Variants in THRAP3 observed in about 807,000 individuals in gnomAD.
THRAP3 encodes the protein thyroid hormone receptor associated protein 3.
Under a neutral mutation model 101.0 loss-of-function variants are expected in THRAP3, and 16 were observed. The ratio of observed to expected loss-of-function variants is 0.16; its 90% CI spans 0.11 to 0.24. The LOEUF (loss-of-function observed/expected upper bound fraction) is 0.24, where lower values mean the gene tolerates loss of function less well. THRAP3 is among the 10% of genes least tolerant of loss of function. The pLI is 1.00. For missense variants in THRAP3, 989 were observed against 1,202.7 expected (o/e 0.82, Z 2.63); for synonymous variants, 407 against 422.6 (o/e 0.96, Z 0.45).
chr1:36,282,176 T>A (rs1352061167), intron 2 of THRAP3, among the ~76,000 whole-genome samples: 1 of 152,002 alleles, frequency 6.6e-6, no homozygotes, highest in African/African-American at 2.4e-5. Flanking sequence ...TCCTCCTACC[T>A]TGGCCTCCCA....
At position 36,286,908 on chromosome 1, in the gene THRAP3, C is replaced by T. The variant is rs1396367147; in HGVS notation, c.678C>T (p.Ala226=). 6.2e-7 allele frequency: 1 copy of T among 1,614,194 alleles called. No individual in the cohort carries two copies. Among genetic ancestry groups the T allele is most frequent in the Admixed American group, 1.7e-5 (1 of 60,032 alleles). The part of the protein sequence containing the change: ...ASESSKPWPD[A]TYGTGSASRA... Reference sequence around the variant, plus strand: ...AGAGCTCGAAGCCATGGCCAGATGCCACCTACGGCACTGGTTCTGCATCAC... The same window carrying T: ...AGAGCTCGAAGCCATGGCCAGATGCTACCTACGGCACTGGTTCTGCATCAC... Residue 226 remains alanine (A), a synonymous_variant, in exon 4 of 12, where the codon GCC becomes GCT. Transcript: ENST00000354618. The surrounding 1 kb of genome is among the most constrained non-coding windows in gnomAD (Gnocchi z 5.5).
At chr1:36,248,633 G>T (rs1645260531) in intron 1 of THRAP3, among the ~76,000 whole-genome samples, 1 of 151,918 alleles carries the variant, frequency 6.6e-6, no homozygotes, top group Non-Finnish European at 1.5e-5. Flanking sequence ...GCCCAGGCTG[G>T]TCTTGAACTC....
chr1:36,251,088 A>G lies in THRAP3; in HGVS notation c.-134-8294A>G, dbSNP rs139346988. ...CTGAACTGTACATATAAAAATGGTT[A>G]AAATGGGCAGTTGTATGTTATGGCA... On this transcript the variant is annotated intron_variant, in intron 1 of 11. Coordinates refer to ENST00000354618, the MANE Select transcript of THRAP3 (RefSeq NM_005119.4). 3.8e-3 allele frequency among the ~76,000 whole-genome samples: 584 copies of G among 152,248 alleles called. 1 individual carries two copies. The highest frequency in any genetic ancestry group is 6.1e-3 in the Non-Finnish European group (414 of 68,026).
intron 2 of THRAP3, among the ~76,000 whole-genome samples, chr1:36,279,152 C>G (rs1044818277): frequency 1.9e-4 from 29 of 152,086 alleles, no homozygotes; most frequent in African/African-American, 5.8e-4. Context: ...TGAAAATTAG[C>G]TTCTTAGTTT....
chr1:36,293,948 T>C lies in THRAP3; in HGVS notation c.2115+13T>C. The C allele has an allele frequency of 1.2e-6, 2 of 1,611,540 alleles. No homozygotes were observed. The highest frequency in any genetic ancestry group is 8.5e-7 in the Non-Finnish European group (1 of 1,178,008). On this transcript the variant is annotated intron_variant, in intron 8 of 11. Transcript: ENST00000354618. ...ACCTGGCTACAAGGTGAACTGTTGATTTGATCAGTAATTCCAACAAAATGA... is the reference window on the plus strand; with the variant it reads ...ACCTGGCTACAAGGTGAACTGTTGACTTGATCAGTAATTCCAACAAAATGA...
chr1:36,295,954 C>CTTTTTTTTTTTTTTT (rs575028397), intron 8 of THRAP3, among the ~76,000 whole-genome samples: 3 of 60,496 alleles, frequency 5.0e-5, no homozygotes, highest in African/African-American at 7.3e-5. Flanking sequence ...GCCTTCTCAA[C>CTTTTTTTTTTTTTTT]TTTTTTTTTT....
chr1:36,239,672 T>C (rs1645132320), intron 1 of THRAP3, among the ~76,000 whole-genome samples: 1 of 152,214 alleles, frequency 6.6e-6, no homozygotes, highest in Non-Finnish European at 1.5e-5. Flanking sequence ...TGGCAATATC[T>C]TTGATTTCTG....
upstream of THRAP3, among the ~76,000 whole-genome samples, chr1:36,222,149 C>A (rs1644905707): frequency 6.6e-6 from 1 of 152,092 alleles, no homozygotes; most frequent in African/African-American, 2.4e-5. Flanking sequence ...ATCCACCCGC[C>A]TTGGCCTCCC....
intron 1 of THRAP3, among the ~76,000 whole-genome samples, chr1:36,230,619 T>C (rs1570224252): frequency 1.3e-5 from 2 of 152,188 alleles, no homozygotes; most frequent in Non-Finnish European, 2.9e-5. Context: ...GTCAGATGTA[T>C]ACTCATATCT....
intron 1 of THRAP3, among the ~76,000 whole-genome samples, chr1:36,232,444 C>T (rs1332737472): frequency 2.6e-5 from 4 of 152,094 alleles, no homozygotes; most frequent in South Asian, 2.1e-4. Flanking sequence ...AATAGTACTC[C>T]TCTTCAAAAA....
rs1275828504 is a variant in THRAP3 at position 36,287,259 on chromosome 1, C to T, written c.1029C>T (p.Ala343=). The part of the protein sequence containing the change: ...KEESAASGGA[A]YTKRYLEEQK... ...AGAGTGCTGCTTCAGGAGGAGCAGC[C>T]TATACAAAGAGGCAAGTATCTCATT... is the stretch of plus-strand genomic sequence containing the variant. The change falls in exon 4 of 12, where the codon GCC becomes GCT. Residue 343 remains alanine, a synonymous_variant. Coordinates refer to ENST00000354618, the MANE Select transcript of THRAP3 (RefSeq NM_005119.4). 4 of 1,601,484 alleles carry T rather than the reference C, an allele frequency of 2.5e-6. No individual in the cohort carries two copies. The highest frequency in any genetic ancestry group is 3.4e-6 in the Non-Finnish European group (4 of 1,173,740).
At chr1:36,257,382 T>C (rs1014048615) in intron 1 of THRAP3, among the ~76,000 whole-genome samples, 2 of 152,214 alleles carry the variant, frequency 1.3e-5, no homozygotes, top group Non-Finnish European at 2.9e-5. Context: ...GCCTGGCATG[T>C]AGTCAGTACT....
chr1:36,241,930 C>A, intron 1 of THRAP3: 1 of 161,740 alleles, frequency 6.2e-6, no homozygotes, highest in Non-Finnish European at 1.4e-5. Context: ...GCTGTGGAAG[C>A]TACTTATTTT....
chr1:36,300,830 C>A, intron 9 of THRAP3, 56 bp from the exon 10 acceptor site: 1 of 1,576,736 alleles, frequency 6.3e-7, no homozygotes, highest in Non-Finnish European at 8.7e-7. Flanking sequence ...GAGGCCCCAG[C>A]CAAGCAGTGT....
chr1:36,286,835 A>G lies in THRAP3; in HGVS notation c.605A>G (p.Lys202Arg), dbSNP rs61998240. Residue 202 changes from lysine to arginine, a missense_variant, in exon 4 of 12, where the codon AAG becomes AGG. By Grantham distance (26) the Lys-to-Arg change is conservative. Transcript: ENST00000354618. The surrounding 1 kb of genome is among the most constrained non-coding windows in gnomAD (Gnocchi z 5.5). The stretch of plus-strand genomic sequence containing the variant: ...GGGGATAACCAGGGAGATGAGGCCA[A>G]GGAGCAGACATTCTCTGGAGGCACC... The part of the protein sequence containing the change: ...AAGDNQGDEA[K>R]EQTFSGGTSQ... 9.9e-4 allele frequency: 1,593 copies of G among 1,614,202 alleles called. 14 individuals are homozygous for G. The African/African-American group carries it at 0.019, about 19-fold the overall frequency.
chr1:36,287,965 A>G, intron 4 of THRAP3: 11 of 975,620 alleles, frequency 1.1e-5, no homozygotes, highest in Non-Finnish European at 1.3e-5. Flanking sequence ...GGTTGTGGTC[A>G]AGAGGGACTA....
intron 2 of THRAP3, among the ~76,000 whole-genome samples, chr1:36,273,557 A>T (rs1244576507): frequency 6.6e-6 from 1 of 152,214 alleles, no homozygotes; most frequent in African/African-American, 2.4e-5. Flanking sequence ...TTTATTTACC[A>T]TTGTGTACTA....
At chr1:36,268,505 GTTTTGT>G (rs1645542942) in intron 2 of THRAP3, among the ~76,000 whole-genome samples, 1 of 151,104 alleles carries the variant, frequency 6.6e-6, no homozygotes, top group African/African-American at 2.5e-5. Flanking sequence ...GGGGGAAACT[GTTTTGT>G]TTTTAAGGAT....
At chr1:36,278,383 G>A (rs770403365) in intron 2 of THRAP3, among the ~76,000 whole-genome samples, 15 of 152,174 alleles carry the variant, frequency 9.9e-5, no homozygotes, top group East Asian at 3.9e-4. Context: ...GGTTTTGACC[G>A]TAAATGTAAG....
Sources: allele counts gnomAD v4.1 joint callset (sites outside exome capture counted in the v4.1 genomes callset), GRCh38; gene constraint gnomAD v4.1.1; non-coding constraint Gnocchi (gnomAD v3.1); transcripts MANE v1.5; gene names NCBI Gene and HGNC (gene_info 2026-07-23, HGNC 2026-07-21).